VSIG4: variants seen among roughly 807,000 people sequenced by gnomAD.
VSIG4 encodes the protein V-set and immunoglobulin domain-containing protein 4.
Under a neutral mutation model 23.4 loss-of-function variants are expected in VSIG4, and 34 were observed. The ratio of observed to expected loss-of-function variants is 1.45; its 90% CI spans 1.10 to 1.93. The LOEUF (loss-of-function observed/expected upper bound fraction) is 1.93, where lower values mean the gene tolerates loss of function less well. Ranked by LOEUF, VSIG4 falls within the 30% of genes most tolerant of loss-of-function variation. The probability of loss-of-function intolerance (pLI) is 0.00; values close to 1 mark genes in which losing one functional copy is unlikely to be tolerated. For missense variants in VSIG4, 433 were observed against 310.8 expected (o/e 1.39, Z -2.96); for synonymous variants, 169 against 120.3 (o/e 1.41, Z -2.65).
chrX:66,027,061 G>A (rs2085400238), intron 5 of VSIG4, among the ~76,000 whole-genome samples: 1 of 111,746 alleles, frequency 8.9e-6, no homozygotes, highest in African/African-American at 3.2e-5. Flanking sequence ...TCAGCTTCAA[G>A]CGGCTTGAAG....
intron 3 of VSIG4, among the ~76,000 whole-genome samples, chrX:66,028,672 C>T (rs1380028671): frequency 9.6e-6 from 1 of 104,525 alleles, no homozygotes; most frequent in Non-Finnish European, 1.9e-5. Flanking sequence ...GAACAGCAAG[C>T]TTTGTGCTGT....
intron 1 of VSIG4, among the ~76,000 whole-genome samples, chrX:66,035,853 C>A (rs1474496611): frequency 1.8e-5 from 2 of 112,435 alleles, no homozygotes; most frequent in African/African-American, 6.5e-5. Context: ...CAGCATTCTG[C>A]TGTGAGTTGA....
Position 66,039,967 on chromosome X carries a change from C to T in VSIG4, c.32G>A (p.Gly11Glu), listed in dbSNP as rs1407816511. 13 of 1,209,987 alleles carry T rather than the reference C, an allele frequency of 1.1e-5. No homozygotes were observed. Among genetic ancestry groups the T allele is most frequent in the Non-Finnish European group, 1.3e-5 (12 of 895,073 alleles). The change falls in exon 1 of 8, where the codon GGG becomes GAG. Residue 11 changes from glycine to glutamate, a missense_variant. By Grantham distance (98) the Gly-to-Glu change is moderately conservative. Transcript: ENST00000374737. Reference sequence around the variant, plus strand: ...ACCATAAGTGTCCACTGTTAGGTGCCCCAGGAGTAGCAGGCCCAGTAAGAT... The same window carrying T: ...ACCATAAGTGTCCACTGTTAGGTGCTCCAGGAGTAGCAGGCCCAGTAAGAT... MGILLGLLLL[G>E]HLTVDTYGRP...
At position 66,033,578 on chromosome X, in the gene VSIG4, A is replaced by G. The variant is rs1459024335; in HGVS notation, c.308T>C (p.Leu103Pro). The stretch of plus-strand genomic sequence containing the variant: ...GTAGTGGCTCCGGTCATCCATCTCC[A>G]GGGTGCTCAATTGGAGGGATACATC... ...PGDVSLQLST[L>P]EMDDRSHYTC... is the part of the protein sequence containing the mutation. Residue 103 changes from leucine (L) to proline (P), a missense_variant, in exon 2 of 8, where the codon CTG becomes CCG. Transcript: ENST00000374737. 3 of 1,209,489 alleles carry G rather than the reference A, an allele frequency of 2.5e-6. No individual in the cohort carries two copies. Among genetic ancestry groups the G allele is most frequent in the Non-Finnish European group, 2.2e-6 (2 of 895,079 alleles).
chrX:66,031,887 G>T (rs1051533256), intron 3 of VSIG4, among the ~76,000 whole-genome samples: 1 of 111,714 alleles, frequency 9.0e-6, no homozygotes, highest in Non-Finnish European at 1.9e-5. Flanking sequence ...GAAGTTAAAA[G>T]AAAGCATGTA....
Position 66,022,377 on chromosome X carries a change from G to A in VSIG4, c.1086C>T (p.Cys362=), listed in dbSNP as rs760162111. 38 of 1,211,072 alleles carry A rather than the reference G, an allele frequency of 3.1e-5. No homozygotes were observed. Among genetic ancestry groups the A allele is most frequent in the Admixed American group, 2.8e-4 (13 of 45,980 alleles). Residue 362 remains cysteine (C), a synonymous_variant, in exon 8 of 8, where the codon TGC becomes TGT. Coordinates refer to ENST00000374737, the MANE Select transcript of VSIG4 (RefSeq NM_007268.3). ...CGATGATCTGGTACTCCTGTCCTAT[G>A]CAGGGCTCATCAGAGTAGTTGTTGC... is the stretch of plus-strand genomic sequence containing the variant. ...NLGNNYSDEP[C]IGQEYQIIAQ...
chrX:66,022,428 A>C lies in VSIG4; in HGVS notation c.1035T>G (p.Ser345Arg), dbSNP rs750165677. 14 of 1,211,799 alleles carry C rather than the reference A, an allele frequency of 1.2e-5. No individual in the cohort carries two copies. Among genetic ancestry groups the C allele is most frequent in the Non-Finnish European group, 1.6e-5 (14 of 895,506 alleles). Residue 345 changes from serine (S) to arginine (R), a missense_variant, in exon 8 of 8, where the codon AGT becomes AGG. By Grantham distance (110) the Ser-to-Arg change is moderately radical. Coordinates refer to ENST00000374737, the MANE Select transcript of VSIG4 (RefSeq NM_007268.3). ...RVAIFASGCS[S>R]DEPTSQNLGN... ...CCAGATTCTGGGAAGTTGGCTCATC[A>C]CTGGAGCAGCCACTTGCGAAGATGG...
chrX:66,037,387 A>G (rs2085614363), intron 1 of VSIG4, among the ~76,000 whole-genome samples: 2 of 37,225 alleles, frequency 5.4e-5, no homozygotes, highest in Non-Finnish European at 7.9e-5. Context: ...AATATATAAT[A>G]TATATTATGT....
chrX:66,025,370 G>A (rs1234425656), intron 5 of VSIG4, among the ~76,000 whole-genome samples: 1 of 111,928 alleles, frequency 8.9e-6, no homozygotes, highest in Admixed American at 9.4e-5. Context: ...GGGCATTTGA[G>A]CTAGTTGTCT....
Position 66,025,108 on chromosome X carries a change from G to A in VSIG4, c.857C>T (p.Ala286Val), listed in dbSNP as rs1348089395. ...GCACAAGGAGATGATGAGGATGATG[G>A]CAAAGACAGGCAGGCTCTTTCCTAG... The part of the protein sequence containing the change: ...AGPGKSLPVF[A>V]IILIISLCCM... Residue 286 changes from alanine to valine, a missense_variant, in exon 6 of 8, where the codon GCC becomes GTC. Transcript: ENST00000374737. The A allele has an allele frequency of 2.5e-6, 3 of 1,197,792 alleles. No homozygotes were observed. Among genetic ancestry groups the A allele is most frequent in the Non-Finnish European group, 3.4e-6 (3 of 887,978 alleles).
intron 7 of VSIG4, 140 bp from the exon 8 acceptor site, chrX:66,022,640 C>A: frequency 8.9e-7 from 1 of 1,124,338 alleles, no homozygotes; most frequent in Non-Finnish European, 1.2e-6. Flanking sequence ...GCAGATGGAT[C>A]TAAATTATCC....
chrX:66,025,163 T>TC, intron 5 of VSIG4, 34 bp from the exon 6 acceptor site: 1 of 1,046,678 alleles, frequency 9.6e-7, no homozygotes, highest in Non-Finnish European at 1.3e-6. Flanking sequence ...TGGTATTTGA[T>TC]TGAAAATAAG....
rs1433952063 is a variant in VSIG4, at chrX:66,025,032, G to T, written c.933C>A (p.Ser311=). The T allele has an allele frequency of 1.6e-5, 19 of 1,183,956 alleles. No individual in the cohort carries two copies. The highest frequency in any genetic ancestry group is 1.9e-5 in the Non-Finnish European group (17 of 880,354). The change falls in exon 6 of 8, where the codon TCC becomes TCA. Residue 311 remains serine (S), a synonymous_variant. Coordinates refer to ENST00000374737, the MANE Select transcript of VSIG4 (RefSeq NM_007268.3). The part of the protein sequence containing the change: ...MAYIMLCRKT[S]QQEHVYEAAR... ...CTCATATTCATCACTAACCTTGTTG[G>T]GATGTCTTCCGACAGAGCATGATAT...
chrX:66,028,085 G>A lies in VSIG4; in HGVS notation c.722C>T (p.Thr241Ile), dbSNP rs778725503. The A allele has an allele frequency of 1.6e-5, 19 of 1,209,032 alleles. No individual in the cohort carries two copies. The Admixed American group carries it at 4.2e-4, about 26-fold the overall frequency. Residue 241 changes from threonine (T) to isoleucine (I), a missense_variant, in exon 4 of 8, where the codon ACT becomes ATT. Physicochemically the swap from Thr to Ile is moderately conservative, Grantham distance 89 (BLOSUM62 -1). Coordinates refer to ENST00000374737, the MANE Select transcript of VSIG4 (RefSeq NM_007268.3). The part of the protein sequence containing the change: ...KDSSKLLKTK[T>I]EAPTTMTYPL... ...GTATGTCATGGTTGTAGGTGCCTCA[G>A]TCTTGGTCTTGAGTAGCTTTGAGGA...
At chrX:66,032,267 A>G (rs2085472125) in intron 3 of VSIG4, among the ~76,000 whole-genome samples, 1 of 111,915 alleles carries the variant, frequency 8.9e-6, no homozygotes, top group Non-Finnish European at 1.9e-5. Flanking sequence ...TACCGTCTTT[A>G]TCTACTTAAC....
At chrX:66,030,053 C>A (rs997681157) in intron 3 of VSIG4, among the ~76,000 whole-genome samples, 1 of 111,301 alleles carries the variant, frequency 9.0e-6, no homozygotes, top group African/African-American at 3.3e-5. Flanking sequence ...GAAAAAAGAG[C>A]CAACAAAGGT....
intron 1 of VSIG4, among the ~76,000 whole-genome samples, chrX:66,035,621 C>A (rs936494473): frequency 8.9e-6 from 1 of 111,941 alleles, no homozygotes; most frequent in African/African-American, 3.3e-5. Flanking sequence ...TAGTTCACAC[C>A]TCCATGTGAT....
chrX:66,028,125 G>A lies in VSIG4; in HGVS notation c.695-13C>T, dbSNP rs2085415074. 8.3e-7 allele frequency: 1 copy of A among 1,205,440 alleles called. No individual in the cohort carries two copies. The highest frequency in any genetic ancestry group is 1.1e-6 in the Non-Finnish European group (1 of 890,179). ...AGCTTTGAGGAGTCTGCAAGGAAAA[G>A]GGAACCGATTGAAGGGACCTGGTAC... On this transcript the variant is annotated splice_polypyrimidine_tract_variant and intron_variant, in intron 3 of 7. Transcript: ENST00000374737.
intron 7 of VSIG4, 44 bp downstream of exon 7, chrX:66,022,797 G>T: frequency 8.3e-7 from 1 of 1,211,026 alleles, no homozygotes; most frequent in African/African-American, 1.7e-5. Flanking sequence ...TCAAAATTGA[G>T]GGCAGGGACG....
Sources: gnomAD v4.1 joint callset for allele counts (sites outside exome capture counted in the v4.1 genomes callset) on GRCh38, gnomAD v4.1.1 for gene constraint, MANE v1.5 for transcripts, NCBI Gene and HGNC (gene_info 2026-07-23, HGNC 2026-07-21) for gene names.